MACROD2: variants seen among roughly 807,000 people sequenced by gnomAD.
The protein encoded by MACROD2 is ADP-ribose glycohydrolase MACROD2.
In MACROD2, 36 loss-of-function variants were observed where a neutral mutation model predicts 70.4. The ratio of observed to expected loss-of-function variants is 0.51; its 90% CI spans 0.39 to 0.68. The LOEUF is 0.68. Ranked by LOEUF, MACROD2 falls within the 30% of genes least tolerant of loss-of-function variation. MACROD2 has a pLI of 0.00. For missense variants in MACROD2, 496 were observed against 538.4 expected (o/e 0.92, Z 0.78); for synonymous variants, 172 against 178.8 (o/e 0.96, Z 0.30).
In MACROD2 at chr20:15,652,814, A is replaced by G. The variant is rs1274929546; in HGVS notation, c.645+152967A>G. Among the ~76,000 whole-genome samples the G allele has an allele frequency of 4.6e-5, 7 of 152,094 alleles. No homozygotes were observed. In the East Asian group the frequency reaches 7.7e-4, roughly 17 times the overall value. ...ATTCATAAAATAAGTATAACAGTAC[A>G]TACAAATGCTGTCTTCCACAGGGTT... On this transcript the variant is annotated intron_variant, in intron 8 of 17. Coordinates refer to ENST00000684519, the MANE Select transcript of MACROD2 (RefSeq NM_001351661.2).
At chr20:15,440,653 G>A (rs1336224938) in intron 7 of MACROD2, among the ~76,000 whole-genome samples, 1 of 152,180 alleles carries the variant, frequency 6.6e-6, no homozygotes, top group African/African-American at 2.4e-5. Flanking sequence ...AGCTTTAAAT[G>A]CTGACAGATT....
In MACROD2 at chr20:14,280,733, A is replaced by G. The variant is rs541754651; in HGVS notation, c.271+195005A>G. Reference sequence around the variant, plus strand: ...TCACCTTTTTAAGCATCTTTGTAGGAAAAAAAACTTCCATATACTATCATG... The same window carrying G: ...TCACCTTTTTAAGCATCTTTGTAGGGAAAAAAACTTCCATATACTATCATG... On this transcript the variant is annotated intron_variant, in intron 3 of 17. Coordinates refer to ENST00000684519, the MANE Select transcript of MACROD2 (RefSeq NM_001351661.2). Among the ~76,000 whole-genome samples the G allele has an allele frequency of 3.4e-4, 52 of 152,206 alleles. 1 individual carries two copies. The highest frequency in any genetic ancestry group is 1.2e-3 in the African/African-American group (49 of 41,536).
chr20:14,207,520 G>A (rs2081534583), intron 3 of MACROD2, among the ~76,000 whole-genome samples: 1 of 152,006 alleles, frequency 6.6e-6, no homozygotes, highest in African/African-American at 2.4e-5. Flanking sequence ...AGTTGTTTCT[G>A]GAATACTTTG....
chr20:15,144,033 C>T (rs2076212406), intron 5 of MACROD2, among the ~76,000 whole-genome samples: 1 of 151,718 alleles, frequency 6.6e-6, no homozygotes, highest in African/African-American at 2.4e-5. Flanking sequence ...AAAAGCCATC[C>T]TGGGCCTCAT....
At chr20:14,954,091 G>C (rs1380442145) in intron 5 of MACROD2, among the ~76,000 whole-genome samples, 1 of 152,014 alleles carries the variant, frequency 6.6e-6, no homozygotes, top group East Asian at 1.9e-4. Flanking sequence ...GTTGTTATGT[G>C]AGACACCTTA....
chr20:14,063,061 G>T (rs2053708065), intron 2 of MACROD2, among the ~76,000 whole-genome samples: 1 of 152,156 alleles, frequency 6.6e-6, no homozygotes, highest in African/African-American at 2.4e-5. Flanking sequence ...TGAAACCAAA[G>T]AAGTGATCAG....
At chr20:15,612,032 A>G (rs2048977249) in intron 8 of MACROD2, among the ~76,000 whole-genome samples, 1 of 151,744 alleles carries the variant, frequency 6.6e-6, no homozygotes, top group Admixed American at 6.6e-5. Flanking sequence ...GGGAGCTAAC[A>G]TAATGGTGAC....
rs111676856 is a variant in MACROD2 at position 14,955,966 on chromosome 20, T to C, written c.418+271007T>C. Among the ~76,000 whole-genome samples, 787 of 152,238 alleles carry C rather than the reference T, an allele frequency of 5.2e-3. 12 individuals carry two copies. Among genetic ancestry groups the C allele is most frequent in the African/African-American group, 0.018 (750 of 41,550 alleles). On this transcript the variant is annotated intron_variant, in intron 5 of 17. Transcript: ENST00000684519. Reference sequence around the variant, plus strand: ...AATCCTAGACATTTTATTTTTGCAATCAGTTTTTCTGAAAAGAAAGAATTC... The same window carrying C: ...AATCCTAGACATTTTATTTTTGCAACCAGTTTTTCTGAAAAGAAAGAATTC...
At chr20:14,903,099 T>G (rs2073917344) in intron 5 of MACROD2, among the ~76,000 whole-genome samples, 1 of 141,332 alleles carries the variant, frequency 7.1e-6, no homozygotes, top group South Asian at 2.2e-4. Flanking sequence ...TGGAGTGCAA[T>G]GGTGTGATCT....
At chr20:14,724,776 A>G (rs1231463541) in intron 5 of MACROD2, among the ~76,000 whole-genome samples, 1 of 152,186 alleles carries the variant, frequency 6.6e-6, no homozygotes, top group Admixed American at 6.5e-5. Flanking sequence ...CAGGCTCAGG[A>G]ACTGTAGAGT....
At chr20:16,016,781 G>A (rs984008046) in intron 15 of MACROD2, among the ~76,000 whole-genome samples, 13 of 152,200 alleles carry the variant, frequency 8.5e-5, no homozygotes, top group Admixed American at 6.5e-4. Context: ...TTTAATATCC[G>A]CTTCCTCATC....
intron 8 of MACROD2, among the ~76,000 whole-genome samples, chr20:15,625,400 G>A (rs1354052687): frequency 2.0e-5 from 3 of 152,162 alleles, no homozygotes; most frequent in African/African-American, 7.2e-5. Context: ...AAGAAAAGAG[G>A]AAGATGGATA....
At chr20:14,877,031 T>G (rs1025308144) in intron 5 of MACROD2, among the ~76,000 whole-genome samples, 1 of 152,108 alleles carries the variant, frequency 6.6e-6, no homozygotes, top group Non-Finnish European at 1.5e-5. Flanking sequence ...GGAATAGCAG[T>G]GACTGTGTTT....
At chr20:14,397,274 T>C (rs2083591393) in intron 3 of MACROD2, among the ~76,000 whole-genome samples, 1 of 152,160 alleles carries the variant, frequency 6.6e-6, no homozygotes. Flanking sequence ...ATTACAGGCA[T>C]GAGCCACTGT....
chr20:14,509,134 A>G (rs1158051838), intron 4 of MACROD2, among the ~76,000 whole-genome samples: 3 of 152,170 alleles, frequency 2.0e-5, no homozygotes, highest in African/African-American at 7.2e-5. Flanking sequence ...ACAAATCAAA[A>G]GAACCATAAG....
chr20:14,395,221 TATTG>T (rs1389692031), intron 3 of MACROD2, among the ~76,000 whole-genome samples: 1 of 152,094 alleles, frequency 6.6e-6, no homozygotes, highest in African/African-American at 2.4e-5. Flanking sequence ...CTGGAGTGAT[TATTG>T]ATTATTAGTT....
At chr20:15,697,280 T>C (rs1198204592) in intron 8 of MACROD2, among the ~76,000 whole-genome samples, 1 of 152,208 alleles carries the variant, frequency 6.6e-6, no homozygotes, top group Non-Finnish European at 1.5e-5. Context: ...TCGAAGAATT[T>C]TTTAATTTCC....
intron 5 of MACROD2, among the ~76,000 whole-genome samples, chr20:15,025,394 G>A (rs1322669396): frequency 6.6e-6 from 1 of 151,796 alleles, no homozygotes; most frequent in Non-Finnish European, 1.5e-5. Context: ...GGCCAGACCC[G>A]GAAGCCTGGG....
intron 3 of MACROD2, among the ~76,000 whole-genome samples, chr20:14,347,889 T>C (rs762833904): frequency 6.6e-6 from 1 of 152,146 alleles, no homozygotes; most frequent in Non-Finnish European, 1.5e-5. Context: ...TTCTGGTGTG[T>C]ATCCAGGTTA....
Sources: allele counts gnomAD v4.1 joint callset (sites outside exome capture counted in the v4.1 genomes callset), GRCh38; gene constraint gnomAD v4.1.1; transcripts MANE v1.5; gene names NCBI Gene and HGNC (gene_info 2026-07-23, HGNC 2026-07-21).